The following KHDRBS2 variants were observed in gnomAD, a reference collection of about 807,000 sequenced individuals.
KHDRBS2 encodes KH domain-containing, RNA-binding, signal transduction-associated protein 2.
A neutral mutation model predicts 44.3 loss-of-function variants in KHDRBS2; 26 were observed. The ratio of observed to expected loss-of-function variants is 0.59; its 90% CI spans 0.43 to 0.81. KHDRBS2 has a LOEUF of 0.81. KHDRBS2 is among the 40% of genes least tolerant of loss of function. KHDRBS2 has a pLI of 0.00. For synonymous variants in KHDRBS2, 194 were observed against 151.1 expected (o/e 1.28, Z -2.08); for missense variants, 476 against 433.1 (o/e 1.10, Z -0.88).
At chr6:61,653,289 CAAT>C in the KHDRBS2 span, among the ~76,000 whole-genome samples, 1 of 152,170 alleles carries the variant, frequency 6.6e-6, no homozygotes, top group Middle Eastern at 3.4e-3. Flanking sequence ...CCTTATGTAT[CAAT>C]GATATTCAAC....
chr6:62,128,785 C>T (rs575923575), intron 2 of KHDRBS2, among the ~76,000 whole-genome samples: 2 of 151,822 alleles, frequency 1.3e-5, no homozygotes, highest in South Asian at 2.1e-4. Flanking sequence ...TAAACAATTA[C>T]AACGACACAA....
chr6:61,732,707 TATC>T lies in KHDRBS2; in HGVS notation c.865_867del (p.Asp289del), dbSNP rs531705206. 1.5e-4 allele frequency: 235 copies of T among 1,611,372 alleles called. 1 individual carries two copies. In the African/African-American group the frequency reaches 2.8e-3, roughly 19 times the overall value. ...CTTTGTGTTTGGGTCGCATAGCTGT[TATC>T]ATAAGTCTCATAGGTCTGGTCATCA... On this transcript the variant is annotated inframe_deletion, in exon 7 of 9. Coordinates refer to ENST00000281156, the MANE Select transcript of KHDRBS2 (RefSeq NM_152688.4).
At chr6:61,724,277 G>C (rs897300084) in intron 7 of KHDRBS2, among the ~76,000 whole-genome samples, 4 of 152,024 alleles carry the variant, frequency 2.6e-5, no homozygotes, top group African/African-American at 9.7e-5. Context: ...GAGGGAATTT[G>C]TCACCACCAG....
At chr6:62,272,833 C>T (rs1404188771) in intron 1 of KHDRBS2, among the ~76,000 whole-genome samples, 6 of 152,074 alleles carry the variant, frequency 3.9e-5, no homozygotes, top group Admixed American at 6.6e-5. Context: ...GGATGTTCCA[C>T]ATTACACTGA....
At position 61,716,087 on chromosome 6, in the gene KHDRBS2, G is replaced by T. The variant is rs535212672; in HGVS notation, c.893+16595C>A. Among the ~76,000 whole-genome samples, 3 of 151,858 alleles carry T rather than the reference G, an allele frequency of 2.0e-5. No individual in the cohort carries two copies. In the East Asian group the frequency reaches 5.9e-4, roughly 30 times the overall value. ...ACTTGTGAGGTGCTTGTAACTACTA[G>T]CATGAGGCTAAGTCATAAAAAGTAA... On this transcript the variant is annotated intron_variant, in intron 7 of 8. Coordinates refer to ENST00000281156, the MANE Select transcript of KHDRBS2 (RefSeq NM_152688.4).
the KHDRBS2 span, among the ~76,000 whole-genome samples, chr6:61,649,924 C>T: frequency 3.0e-3 from 457 of 152,240 alleles, 4 homozygotes; most frequent in African/African-American, 0.011. Context: ...CATGCTAGCT[C>T]TTTGCTTACG....
intron 1 of KHDRBS2, among the ~76,000 whole-genome samples, chr6:62,238,175 C>A (rs1020414054): frequency 1.3e-5 from 2 of 152,028 alleles, no homozygotes; most frequent in African/African-American, 4.8e-5. Context: ...CCCACATGGT[C>A]TAGCATACAC....
chr6:61,970,347 T>TAA (rs561484423), intron 4 of KHDRBS2, among the ~76,000 whole-genome samples: 3 of 150,180 alleles, frequency 2.0e-5, no homozygotes, highest in Non-Finnish European at 4.5e-5. Flanking sequence ...CAAATGCATT[T>TAA]AAAAAAAAAA....
At chr6:61,967,745 T>C (rs886569533) in intron 4 of KHDRBS2, among the ~76,000 whole-genome samples, 5 of 151,596 alleles carry the variant, frequency 3.3e-5, no homozygotes, top group Non-Finnish European at 7.4e-5. Context: ...GGACTCACAG[T>C]TCTCTGTGAG....
At chr6:62,187,683 T>C (rs1280477400) in intron 1 of KHDRBS2, among the ~76,000 whole-genome samples, 3 of 152,098 alleles carry the variant, frequency 2.0e-5, no homozygotes, top group Admixed American at 6.6e-5. Flanking sequence ...GTGTGTGTGC[T>C]ATGGTTTGGT....
chr6:62,059,198 G>GTTTGTTTTTTTT, intron 2 of KHDRBS2, among the ~76,000 whole-genome samples: 1 of 24,886 alleles, frequency 4.0e-5, no homozygotes, highest in Middle Eastern at 0.05. Context: ...AAGTTAGGAA[G>GTTTGTTTTTTTT]TTTTTTTTTT....
intron 2 of KHDRBS2, among the ~76,000 whole-genome samples, chr6:62,088,444 T>C (rs1350678934): frequency 6.6e-6 from 1 of 152,196 alleles, no homozygotes; most frequent in African/African-American, 2.4e-5. Context: ...GTTTTCCTTC[T>C]AACAGTCAGG....
intron 6 of KHDRBS2, among the ~76,000 whole-genome samples, chr6:61,869,614 C>G (rs537611139): frequency 4.0e-4 from 61 of 152,260 alleles, no homozygotes; most frequent in African/African-American, 1.5e-3. Context: ...CAGCTCCCAG[C>G]GAGATTGACG....
At chr6:61,580,842 A>G in the KHDRBS2 span, among the ~76,000 whole-genome samples, 2 of 152,144 alleles carry the variant, frequency 1.3e-5, no homozygotes, top group Non-Finnish European at 2.9e-5. Flanking sequence ...GAGCTGTAAC[A>G]CTCACCAAGA....
chr6:62,244,400 C>A (rs1285495323), intron 1 of KHDRBS2, among the ~76,000 whole-genome samples: 1 of 152,072 alleles, frequency 6.6e-6, no homozygotes, highest in East Asian at 1.9e-4. Context: ...TTAAATTCAT[C>A]TGCCCGTGCT....
chr6:61,631,477 A>T, the KHDRBS2 span, among the ~76,000 whole-genome samples: 1 of 152,062 alleles, frequency 6.6e-6, no homozygotes, highest in Non-Finnish European at 1.5e-5. Context: ...AAGTCTAAAT[A>T]TCAAATATGT....
At chr6:61,849,766 C>T (rs1427917016) in intron 6 of KHDRBS2, among the ~76,000 whole-genome samples, 1 of 151,886 alleles carries the variant, frequency 6.6e-6, no homozygotes, top group African/African-American at 2.4e-5. Context: ...AGCTAAAGAT[C>T]TCTTAAGATC....
At chr6:61,685,613 A>G (rs1256724563) in intron 8 of KHDRBS2, among the ~76,000 whole-genome samples, 2 of 151,790 alleles carry the variant, frequency 1.3e-5, no homozygotes, top group East Asian at 1.9e-4. Flanking sequence ...CCTAGAGTGC[A>G]TCTCTATTTC....
the KHDRBS2 span, among the ~76,000 whole-genome samples, chr6:61,655,304 G>A: frequency 6.6e-6 from 1 of 151,458 alleles, no homozygotes. Flanking sequence ...CGCCCAGACT[G>A]GAGTGCAGTG....
Sources: allele counts gnomAD v4.1 joint callset (sites outside exome capture counted in the v4.1 genomes callset), GRCh38; gene constraint gnomAD v4.1.1; transcripts MANE v1.5; gene names NCBI Gene and HGNC (gene_info 2026-07-23, HGNC 2026-07-21).